The following LEMD3 variants were observed in gnomAD, a reference collection of about 807,000 sequenced individuals.
The protein encoded by LEMD3 is LEM domain containing 3.
A neutral mutation model predicts 95.2 loss-of-function variants in LEMD3; 33 were observed. The ratio of observed to expected loss-of-function variants is 0.35; its 90% confidence interval spans 0.26 to 0.46. The LOEUF (loss-of-function observed/expected upper bound fraction) is 0.46, where lower values mean the gene tolerates loss of function less well. Ranked by LOEUF, LEMD3 falls within the 20% of genes least tolerant of loss-of-function variation. The pLI, the probability that LEMD3 is intolerant of heterozygous loss-of-function variation, is 1.00. For missense variants in LEMD3, 1,210 were observed against 1,192.8 expected (o/e 1.01, Z -0.21); for synonymous variants, 525 against 474.6 (o/e 1.11, Z -1.38).
Position 65,170,981 on chromosome 12 carries a change from T to C in LEMD3, c.1385T>C (p.Val462Ala). 6.2e-7 allele frequency: 1 copy of C among 1,614,086 alleles called. No individual in the cohort carries two copies. The highest frequency in any genetic ancestry group is 8.5e-7 in the Non-Finnish European group (1 of 1,180,010). Reference sequence around the variant, plus strand: ...CTCCAGCAATTTAAACGGGAGGAGGTGTCCCCAACAGGGAGTTTCAGTGCC... The same window carrying C: ...CTCCAGCAATTTAAACGGGAGGAGGCGTCCCCAACAGGGAGTTTCAGTGCC... The part of the protein sequence containing the change: ...ELLQQFKREE[V>A]SPTGSFSAHY... The change falls in exon 1 of 13, where the codon GTG (valine) becomes GCG (alanine). Residue 462 changes from valine (V) to alanine (A), a missense_variant. Coordinates refer to ENST00000308330, the MANE Select transcript of LEMD3 (RefSeq NM_014319.5).
chr12:65,200,785 C>T (rs1275168578), intron 1 of LEMD3, among the ~76,000 whole-genome samples: 1 of 152,028 alleles, frequency 6.6e-6, no homozygotes, highest in Admixed American at 6.6e-5. Context: ...TTAACAGTGT[C>T]TTTTATGGAG....
At chr12:65,192,105 TAAAAAAAA>T (rs35863115) in intron 1 of LEMD3, among the ~76,000 whole-genome samples, 2 of 138,068 alleles carry the variant, frequency 1.4e-5, no homozygotes, top group Admixed American at 1.4e-4. Context: ...CACAGTTGCT[TAAAAAAAA>T]AAAAAAGCAC....
chr12:65,238,650 C>G lies in LEMD3; in HGVS notation c.1776-19C>G. 2 of 1,613,812 alleles carry G rather than the reference C, an allele frequency of 1.2e-6. No homozygotes were observed. The highest frequency in any genetic ancestry group is 1.7e-6 in the Non-Finnish European group (2 of 1,179,816). On this transcript the variant is annotated intron_variant, in intron 5 of 12. Transcript: ENST00000308330. The stretch of plus-strand genomic sequence containing the variant: ...AATGGTTTTTGACTTTAAATTCTAC[C>G]TTACTTATTTTTAAATAGGTGTGTT...
At chr12:65,198,117 A>G (rs973886406) in intron 1 of LEMD3, among the ~76,000 whole-genome samples, 3 of 152,212 alleles carry the variant, frequency 2.0e-5, no homozygotes, top group African/African-American at 7.2e-5. Context: ...GTTTAGCACT[A>G]TTCCTTCAGA....
chr12:65,199,800 A>C (rs1349736387), intron 1 of LEMD3, among the ~76,000 whole-genome samples: 1 of 152,080 alleles, frequency 6.6e-6, no homozygotes, highest in East Asian at 1.9e-4. Context: ...GAGCATGATT[A>C]ATGGATCATG....
rs1870885871 is a variant in LEMD3 at position 65,240,046 on chromosome 12, G to C, written c.2023+16G>C. On this transcript the variant is annotated intron_variant, in intron 7 of 12. Coordinates refer to ENST00000308330, the MANE Select transcript of LEMD3 (RefSeq NM_014319.5). ...AAGATTATAGGTATGATATTTGTAA[G>C]AATCTCAACTATTTCTAGAAGAGTC... 6.4e-7 allele frequency: 1 copy of C among 1,560,844 alleles called. No homozygotes were observed. Among genetic ancestry groups the C allele is most frequent in the Non-Finnish European group, 8.8e-7 (1 of 1,131,640 alleles).
At chr12:65,203,993 A>G (rs953478677) in intron 1 of LEMD3, among the ~76,000 whole-genome samples, 4 of 152,068 alleles carry the variant, frequency 2.6e-5, no homozygotes, top group African/African-American at 9.7e-5. Flanking sequence ...AACTTCCTCC[A>G]TGTTTTTACT....
rs892393413 is a variant in LEMD3, at chr12:65,180,248, A to G, written c.1522+9130A>G. Among the ~76,000 whole-genome samples, 6 of 151,942 alleles carry G rather than the reference A, an allele frequency of 3.9e-5. No homozygotes were observed. The East Asian group carries it at 5.8e-4, about 15-fold the overall frequency. On this transcript the variant is annotated intron_variant, in intron 1 of 12. Coordinates refer to ENST00000308330, the MANE Select transcript of LEMD3 (RefSeq NM_014319.5). ...GGTGTGCGCCACCGTGCCCTGCCCT[A>G]ACATAGATTTTAAAGTGAACCAGTA...
chr12:65,242,505 A>G (rs1472963465), intron 9 of LEMD3, among the ~76,000 whole-genome samples: 1 of 152,210 alleles, frequency 6.6e-6, no homozygotes, highest in Non-Finnish European at 1.5e-5. Flanking sequence ...GATCCTCTTC[A>G]GTGTTCCTAG....
chr12:65,211,330 G>A (rs1869932432), intron 2 of LEMD3, among the ~76,000 whole-genome samples: 1 of 152,112 alleles, frequency 6.6e-6, no homozygotes, highest in South Asian at 2.1e-4. Context: ...TACCTTAGCA[G>A]TTTTTGTCCG....
In LEMD3 at chr12:65,170,267, G is replaced by T; in HGVS notation, c.671G>T (p.Gly224Val). The change falls in exon 1 of 13, where the codon GGA (glycine) becomes GTA (valine). Residue 224 changes from glycine (G) to valine (V), a missense_variant. Gly to Val is a moderately radical substitution (Grantham distance 109). Around this residue, in one of 2 missense-constraint regions of LEMD3, gnomAD observed 749 missense variants for 622.9 expected, o/e 1.20. Coordinates refer to ENST00000308330, the MANE Select transcript of LEMD3 (RefSeq NM_014319.5). Reference sequence around the variant, plus strand: ...GCAGTGGAGGACGAGGAAGGGGAGGGAGAGGACGGTGAGGAGAGGGACCCG... The same window carrying T: ...GCAGTGGAGGACGAGGAAGGGGAGGTAGAGGACGGTGAGGAGAGGGACCCG... ...DGAVEDEEGE[G>V]EDGEERDPET... 1 of 1,564,552 alleles carries T rather than the reference G, an allele frequency of 6.4e-7. No individual in the cohort carries two copies. Among genetic ancestry groups the T allele is most frequent in the Non-Finnish European group, 8.7e-7 (1 of 1,154,220 alleles).
rs1868514381 is a variant in LEMD3 at position 65,170,706 on chromosome 12, G to A, written c.1110G>A (p.Pro370=). The change falls in exon 1 of 13, where the codon CCG becomes CCA. Residue 370 remains proline (P), a synonymous_variant. Coordinates refer to ENST00000308330, the MANE Select transcript of LEMD3 (RefSeq NM_014319.5). ...NAKKLTPLLP[P]PLTDMDSTLD... ...AGAAACTGACCCCTCTCCTGCCCCC[G>A]CCACTTACTGACATGGACTCAACCT... 1.2e-6 allele frequency: 2 copies of A among 1,614,170 alleles called. No homozygotes were observed. Among genetic ancestry groups the A allele is most frequent in the Middle Eastern group, 3.3e-4 (2 of 6,062 alleles).
At chr12:65,184,169 TAGC>T (rs1264611687) in intron 1 of LEMD3, among the ~76,000 whole-genome samples, 2 of 152,226 alleles carry the variant, frequency 1.3e-5, no homozygotes, top group African/African-American at 4.8e-5. Flanking sequence ...GATTAATACT[TAGC>T]AGCATGTTCT....
chr12:65,218,218 A>G (rs1870168743), intron 3 of LEMD3, among the ~76,000 whole-genome samples: 1 of 152,204 alleles, frequency 6.6e-6, no homozygotes, highest in Non-Finnish European at 1.5e-5. Context: ...ATCTGTGGAT[A>G]GGCATCAGTG....
intron 4 of LEMD3, among the ~76,000 whole-genome samples, chr12:65,221,064 G>C (rs1057277802): frequency 6.6e-6 from 1 of 151,942 alleles, no homozygotes; most frequent in Admixed American, 6.6e-5. Flanking sequence ...AATGCTATTG[G>C]GATTTTGTAT....
At chr12:65,233,239 T>C (rs1870682538) in intron 4 of LEMD3, among the ~76,000 whole-genome samples, 1 of 152,188 alleles carries the variant, frequency 6.6e-6, no homozygotes, top group African/African-American at 2.4e-5. Context: ...TTGTTCTGCC[T>C]CTTAAGTGGA....
At chr12:65,178,183 T>G (rs757933920) in intron 1 of LEMD3, among the ~76,000 whole-genome samples, 5 of 151,698 alleles carry the variant, frequency 3.3e-5, no homozygotes, top group Admixed American at 3.3e-4. Flanking sequence ...CTCCATGTTA[T>G]GTTTGAAGTT....
intron 4 of LEMD3, among the ~76,000 whole-genome samples, chr12:65,222,098 G>A (rs1256750886): frequency 6.6e-6 from 1 of 152,084 alleles, no homozygotes; most frequent in African/African-American, 2.4e-5. Context: ...GGGTTTCCAT[G>A]TATGGCCTTT....
At chr12:65,231,805 A>T (rs1377243644) in intron 4 of LEMD3, among the ~76,000 whole-genome samples, 1 of 151,960 alleles carries the variant, frequency 6.6e-6, no homozygotes, top group East Asian at 1.9e-4. Flanking sequence ...TAGTATTATA[A>T]ATATTTTTTT....
Sources: allele counts gnomAD v4.1 joint callset (sites outside exome capture counted in the v4.1 genomes callset), GRCh38; gene constraint gnomAD v4.1.1; regional missense constraint gnomAD v4.1.1; transcripts MANE v1.5; gene names NCBI Gene and HGNC (gene_info 2026-07-23, HGNC 2026-07-21).